The following GRM7 variants were observed in gnomAD, a reference collection of about 807,000 sequenced individuals.
GRM7 encodes metabotropic glutamate receptor 7.
Under a neutral mutation model 84.5 loss-of-function variants are expected in GRM7, and 35 were observed. The observed-to-expected ratio is 0.41, with a 90% CI of 0.32 to 0.55. The LOEUF (loss-of-function observed/expected upper bound fraction) is 0.55, where lower values mean the gene tolerates loss of function less well. GRM7 is among the 20% of genes least tolerant of loss of function. The probability of loss-of-function intolerance (pLI) is 0.19; values close to 1 mark genes in which losing one functional copy is unlikely to be tolerated. For missense variants in GRM7, 1,003 were observed against 1,194.6 expected, an observed-to-expected ratio of 0.84 and a Z score of 2.36; for synonymous variants, 487 against 455.1, an observed-to-expected ratio of 1.07 and a Z score of -0.89.
intron 7 of GRM7, among the ~76,000 whole-genome samples, chr3:7,567,747 CAAAAAAAAAAAAAAAAAAAAAAAAA>C (rs1176146756): frequency 0.012 from 535 of 45,840 alleles, 16 homozygotes; most frequent in African/African-American, 0.043. Context: ...GACTCCATCT[CAAAAAAAAAAAAAAAAAAAAAAAAA>C]AAAAAAAAAA....
At chr3:7,597,785 T>C (rs1575538172) in intron 8 of GRM7, among the ~76,000 whole-genome samples, 3 of 152,160 alleles carry the variant, frequency 2.0e-5, no homozygotes, top group Admixed American at 1.3e-4. Flanking sequence ...TTTCAACAAA[T>C]AGATCCTATA....
At chr3:7,462,603 T>G (rs555739610) in intron 7 of GRM7, among the ~76,000 whole-genome samples, 2 of 152,344 alleles carry the variant, frequency 1.3e-5, no homozygotes, top group Admixed American at 1.3e-4. Context: ...GAACAAGGCT[T>G]CTTGGGTGTG....
chr3:7,279,988 A>T (rs1331173078), intron 2 of GRM7, among the ~76,000 whole-genome samples: 5 of 152,170 alleles, frequency 3.3e-5, no homozygotes, highest in African/African-American at 1.2e-4. Context: ...TCAGGAAGGG[A>T]GACTGGTGAC....
At chr3:7,718,917 C>G (rs1247525033) in intron 9 of GRM7, among the ~76,000 whole-genome samples, 1 of 152,192 alleles carries the variant, frequency 6.6e-6, no homozygotes, top group East Asian at 1.9e-4. Flanking sequence ...GCTTAGAAGT[C>G]TCTTGAAGGC....
In GRM7 at chr3:7,486,261, C is replaced by T. The variant is rs776363945; in HGVS notation, c.1515+24539C>T. Among the ~76,000 whole-genome samples, 108 of 152,014 alleles carry T rather than the reference C, an allele frequency of 7.1e-4. No individual in the cohort carries two copies. The highest frequency in any genetic ancestry group is 1.3e-3 in the Non-Finnish European group (89 of 68,012). On this transcript the variant is annotated intron_variant, in intron 7 of 9. Transcript: ENST00000357716. This position sits in a 1 kb window ranked among gnomAD's most constrained non-coding sequence, Gnocchi z 5.5. ...TTTTATTTGTATTTAAGTGTTTTTG[C>T]TTCCCAAGAAATGATGGTAATGATA... is the stretch of plus-strand genomic sequence containing the variant.
chr3:7,295,517 ATAAAAT>A (rs1699782424), intron 2 of GRM7, among the ~76,000 whole-genome samples: 1 of 122,840 alleles, frequency 8.1e-6, no homozygotes, highest in Non-Finnish European at 2.0e-5. Flanking sequence ...GTCTACAAAA[ATAAAAT>A]AAAATAAAAT....
chr3:7,192,343 C>T (rs1004873352), intron 2 of GRM7, among the ~76,000 whole-genome samples: 1 of 152,094 alleles, frequency 6.6e-6, no homozygotes, highest in African/African-American at 2.4e-5. Flanking sequence ...TTTGTGTCCA[C>T]CCAGTAATTC....
At chr3:7,305,213 C>A (rs189979980) in intron 3 of GRM7, among the ~76,000 whole-genome samples, 1 of 152,166 alleles carries the variant, frequency 6.6e-6, no homozygotes, top group Non-Finnish European at 1.5e-5. Flanking sequence ...TCCCCATCTG[C>A]AGTTTTAACA....
At chr3:7,094,898 T>C (rs904360904) in intron 1 of GRM7, among the ~76,000 whole-genome samples, 1 of 152,098 alleles carries the variant, frequency 6.6e-6, no homozygotes, top group African/African-American at 2.4e-5. Context: ...ACTAATACAT[T>C]ACAGTATTTA....
intron 1 of GRM7, among the ~76,000 whole-genome samples, chr3:6,881,854 G>T (rs929632359): frequency 1.8e-4 from 28 of 151,912 alleles, no homozygotes; most frequent in Non-Finnish European, 1.2e-4. Flanking sequence ...ATCTGGAGGG[G>T]CTAAAAATGT....
chr3:7,181,918 G>T (rs1332773154), intron 2 of GRM7, among the ~76,000 whole-genome samples: 1 of 151,846 alleles, frequency 6.6e-6, no homozygotes, highest in African/African-American at 2.4e-5. Context: ...GCTAAAATAA[G>T]GTGAAGTCAC....
chr3:7,426,928 G>A (rs2124839947), intron 5 of GRM7, among the ~76,000 whole-genome samples: 1 of 152,310 alleles, frequency 6.6e-6, no homozygotes, highest in Non-Finnish European at 1.5e-5. Flanking sequence ...GATCAGATTG[G>A]AGGAGAAGAA....
chr3:7,653,244 A>G (rs1310654680), intron 8 of GRM7, among the ~76,000 whole-genome samples: 3 of 135,454 alleles, frequency 2.2e-5, no homozygotes, highest in Non-Finnish European at 3.0e-5. Flanking sequence ...CCTAACTGTA[A>G]ATGCTTTTAG....
chr3:7,652,049 A>G (rs893064976), intron 8 of GRM7, among the ~76,000 whole-genome samples: 1 of 152,102 alleles, frequency 6.6e-6, no homozygotes, highest in African/African-American at 2.4e-5. Context: ...GGAACATTCA[A>G]TCCTGAAGGG....
At chr3:7,359,464 A>G (rs1693568706) in intron 4 of GRM7, among the ~76,000 whole-genome samples, 1 of 145,284 alleles carries the variant, frequency 6.9e-6, no homozygotes, top group Non-Finnish European at 1.5e-5. Flanking sequence ...TCTCCCGAGT[A>G]TCTGGGATTA....
chr3:7,058,194 G>GAAACTAGCTCCATAAAGTTCTATA (rs1697301126), intron 1 of GRM7, among the ~76,000 whole-genome samples: 1 of 151,808 alleles, frequency 6.6e-6, no homozygotes, highest in Non-Finnish European at 1.5e-5. Context: ...ATAGTTCTAG[G>GAAACTAGCTCCATAAAGTTCTATA]AAACTAGCTC....
At chr3:7,566,969 T>C (rs1020944289) in intron 7 of GRM7, among the ~76,000 whole-genome samples, 6 of 152,228 alleles carry the variant, frequency 3.9e-5, no homozygotes, top group African/African-American at 1.4e-4. Flanking sequence ...TCATAATTTT[T>C]TGTTTTTGAG....
chr3:7,674,719 A>T (rs9845582), intron 8 of GRM7, among the ~76,000 whole-genome samples: 20,452 of 152,146 alleles, frequency 0.13, 2,644 homozygotes, highest in African/African-American at 0.34. Context: ...TCCTGCAACT[A>T]GAATGGAGCT....
chr3:7,438,478 C>T (rs949524578), intron 5 of GRM7, among the ~76,000 whole-genome samples: 1 of 151,896 alleles, frequency 6.6e-6, no homozygotes, highest in Non-Finnish European at 1.5e-5. Context: ...CAGAATCTCA[C>T]AAAGGGATGA....
Sources: allele counts gnomAD v4.1 joint callset (sites outside exome capture counted in the v4.1 genomes callset), GRCh38; gene constraint gnomAD v4.1.1; non-coding constraint Gnocchi (gnomAD v3.1); transcripts MANE v1.5; gene names NCBI Gene and HGNC (gene_info 2026-07-23, HGNC 2026-07-21).